FAM168A: variants seen among roughly 807,000 people sequenced by gnomAD.
The protein encoded by FAM168A is family with sequence similarity 168 member A.
FAM168A carries 3 observed loss-of-function variants against 28.5 expected under a neutral mutation model. The observed-to-expected ratio is 0.11, with a 90% CI of 0.05 to 0.27. The LOEUF (loss-of-function observed/expected upper bound fraction) is 0.27, where lower values mean the gene tolerates loss of function less well. FAM168A is among the 10% of genes least tolerant of loss of function. FAM168A has a pLI of 1.00. For synonymous variants in FAM168A, 122 were observed against 124.2 expected, an observed-to-expected ratio of 0.98 and a Z score of 0.12; for missense variants, 222 against 311.5, an observed-to-expected ratio of 0.71 and a Z score of 2.16.
chr11:73,462,533 T>C (rs1163537355), intron 2 of FAM168A, among the ~76,000 whole-genome samples: 1 of 152,140 alleles, frequency 6.6e-6, no homozygotes, highest in Non-Finnish European at 1.5e-5. Context: ...GTGACGACAG[T>C]TGCAAAACAA....
At chr11:73,587,454 T>C (rs1273937601) in intron 1 of FAM168A, among the ~76,000 whole-genome samples, 1 of 149,908 alleles carries the variant, frequency 6.7e-6, no homozygotes, top group Non-Finnish European at 1.5e-5. Flanking sequence ...ATCGCACCAC[T>C]GCACTCCAGC....
intron 1 of FAM168A, among the ~76,000 whole-genome samples, chr11:73,556,351 T>A (rs560450493): frequency 4.5e-4 from 64 of 143,180 alleles, no homozygotes; most frequent in South Asian, 8.9e-4. Context: ...TTGTCACTTT[T>A]AAAAAAAAAA....
chr11:73,418,828 A>C, intron 4 of FAM168A, among the ~76,000 whole-genome samples: 1 of 131,516 alleles, frequency 7.6e-6, no homozygotes, highest in South Asian at 2.3e-4. Context: ...TTTTTTTTTG[A>C]GACGGAGTCT....
chr11:73,594,885 T>C (rs1403478104), intron 1 of FAM168A, among the ~76,000 whole-genome samples: 2 of 152,236 alleles, frequency 1.3e-5, no homozygotes, highest in African/African-American at 2.4e-5. Flanking sequence ...GTAGTAGAAC[T>C]GGGATTTGAA....
chr11:73,571,699 G>C (rs1944092418), intron 1 of FAM168A, among the ~76,000 whole-genome samples: 1 of 151,952 alleles, frequency 6.6e-6, no homozygotes, highest in Admixed American at 6.5e-5. Flanking sequence ...TCTCTGCCTG[G>C]CCGCCCATCG....
chr11:73,438,460 T>C (rs1252545150), intron 2 of FAM168A, among the ~76,000 whole-genome samples: 2 of 152,122 alleles, frequency 1.3e-5, no homozygotes, highest in Non-Finnish European at 2.9e-5. Context: ...CATGAAGGTA[T>C]GAAAGTGCAT....
intron 1 of FAM168A, among the ~76,000 whole-genome samples, chr11:73,562,222 T>G (rs1489625633): frequency 1.3e-5 from 2 of 152,242 alleles, no homozygotes; most frequent in Admixed American, 1.3e-4. Flanking sequence ...ATTACAGGCG[T>G]GAGCCACCGC....
chr11:73,476,591 A>G (rs1867892014), intron 1 of FAM168A, among the ~76,000 whole-genome samples: 1 of 152,178 alleles, frequency 6.6e-6, no homozygotes, highest in Non-Finnish European at 1.5e-5. Context: ...TTTGTGGGGG[A>G]AAAACAGGTA....
chr11:73,510,211 C>G (rs73544783), intron 1 of FAM168A, among the ~76,000 whole-genome samples: 11,834 of 152,204 alleles, frequency 0.078, 559 homozygotes, highest in Non-Finnish European at 0.11. Flanking sequence ...GCCTACCTAG[C>G]TCTTTCAACT....
intron 2 of FAM168A, among the ~76,000 whole-genome samples, chr11:73,460,332 C>T (rs1867622534): frequency 6.6e-6 from 1 of 152,124 alleles, no homozygotes; most frequent in African/African-American, 2.4e-5. Flanking sequence ...TCTCATACTT[C>T]TCTGCTGTAA....
At chr11:73,552,719 G>A (rs1943843832) in intron 1 of FAM168A, among the ~76,000 whole-genome samples, 2 of 152,206 alleles carry the variant, frequency 1.3e-5, no homozygotes. Context: ...CACTTTGGGA[G>A]GCCAAGATGG....
At chr11:73,559,431 C>T (rs116881004) in intron 1 of FAM168A, among the ~76,000 whole-genome samples, 3,836 of 151,240 alleles carry the variant, frequency 0.025, 77 homozygotes, top group Middle Eastern at 0.041. Flanking sequence ...CCAGCCTGAG[C>T]GACAAGAGTG....
chr11:73,421,832 C>T (rs1035233389), intron 3 of FAM168A, among the ~76,000 whole-genome samples: 1 of 152,190 alleles, frequency 6.6e-6, no homozygotes, highest in African/African-American at 2.4e-5. Flanking sequence ...GGGCAGGAGG[C>T]CTGAATTTGG....
rs994460876 is a variant in FAM168A, at chr11:73,567,178, A to G, written c.-19+30745T>C. Among the ~76,000 whole-genome samples the G allele has an allele frequency of 3.3e-5, 5 of 152,316 alleles. No homozygotes were observed. The East Asian group carries it at 9.6e-4, about 29-fold the overall frequency. ...GCTGTGGGGATGGAGAGAAAGGAAT[A>G]GATTCGAGAAATGTTAAGGTGATAG... On this transcript the variant is annotated intron_variant, in intron 1 of 7. Coordinates refer to ENST00000356467, the MANE Select transcript of FAM168A (RefSeq NM_015159.3).
rs564154735 is a variant in FAM168A at position 73,583,754 on chromosome 11, C to T, written c.-19+14169G>A. 5.3e-5 allele frequency among the ~76,000 whole-genome samples: 8 copies of T among 152,256 alleles called. No homozygotes were observed. The East Asian group carries it at 9.6e-4, about 18-fold the overall frequency. ...CATCTGAAGAACTGCAGACATAGTA[C>T]AATGCAAACTTCAGGAGTACTGGAG... On this transcript the variant is annotated intron_variant, in intron 1 of 7. Coordinates refer to ENST00000356467, the MANE Select transcript of FAM168A (RefSeq NM_015159.3).
intron 1 of FAM168A, among the ~76,000 whole-genome samples, chr11:73,491,031 T>C (rs139479474): frequency 2.0e-5 from 3 of 152,296 alleles, no homozygotes; most frequent in Non-Finnish European, 4.4e-5. Context: ...TAATGAAAGC[T>C]CCCATTAGTC....
intron 1 of FAM168A, among the ~76,000 whole-genome samples, chr11:73,545,973 TA>T (rs1415977948): frequency 2.6e-5 from 4 of 152,232 alleles, no homozygotes; most frequent in African/African-American, 9.7e-5. Context: ...TAAGGTTTTT[TA>T]GAAAGTTATC....
At chr11:73,409,348 G>T in intron 6 of FAM168A, 139 bp downstream of exon 6, 1 of 1,042,894 alleles carries the variant, frequency 9.6e-7, no homozygotes, top group Non-Finnish European at 1.4e-6. Context: ...AGATTTAGAG[G>T]CTCCTTCCTC....
At chr11:73,432,789 C>T (rs1299857014) in intron 2 of FAM168A, among the ~76,000 whole-genome samples, 1 of 152,062 alleles carries the variant, frequency 6.6e-6, no homozygotes, top group African/African-American at 2.4e-5. Flanking sequence ...GTAGCGTGTG[C>T]CTGTACTCCC....
Sources: allele counts gnomAD v4.1 joint callset (sites outside exome capture counted in the v4.1 genomes callset), GRCh38; gene constraint gnomAD v4.1.1; transcripts MANE v1.5; gene names NCBI Gene and HGNC (gene_info 2026-07-23, HGNC 2026-07-21).